Variants in ULK4 observed in about 807,000 individuals in gnomAD.
ULK4 encodes the protein inactive serine/threonine-protein kinase ULK4.
In ULK4, 133 loss-of-function variants were observed where a neutral mutation model predicts 160.6. That is an observed-to-expected ratio of 0.83 (90% CI 0.72 to 0.96). The LOEUF is 0.96. Ranked by LOEUF, ULK4 falls within the 40% of genes least tolerant of loss-of-function variation. ULK4 has a pLI of 0.00. For missense variants in ULK4, 1,580 were observed against 1,499.5 expected, an observed-to-expected ratio of 1.05 and a Z score of -0.89; for synonymous variants, 534 against 539.8, an observed-to-expected ratio of 0.99 and a Z score of 0.15.
intron 35 of ULK4, among the ~76,000 whole-genome samples, chr3:41,375,272 G>C (rs372431226): frequency 6.6e-6 from 1 of 152,060 alleles, no homozygotes; most frequent in Non-Finnish European, 1.5e-5. Flanking sequence ...TCAGAGAATA[G>C]GAAAAACTAC....
At chr3:41,900,613 A>G (rs1698316594) in intron 13 of ULK4, 112 bp downstream of exon 13, 9 of 879,584 alleles carry the variant, frequency 1.0e-5, no homozygotes, top group African/African-American at 1.7e-5. Flanking sequence ...ACAGAAGCAG[A>G]CAAGAGAAAC....
chr3:41,892,422 T>C lies in ULK4; in HGVS notation c.1577+3096A>G, dbSNP rs535271061. The stretch of plus-strand genomic sequence containing the variant: ...ATGTTCACAGCAGCATTGTTCACAA[T>C]AGCCAAAAGATATAAACAAGCCAGT... On this transcript the variant is annotated intron_variant, in intron 16 of 36. Transcript: ENST00000301831. Among the ~76,000 whole-genome samples, 14 of 152,274 alleles carry C rather than the reference T, an allele frequency of 9.2e-5. No homozygotes were observed. In the South Asian group the frequency reaches 1.0e-3, roughly 11 times the overall value.
At chr3:41,774,158 A>G (rs1178534253) in intron 21 of ULK4, among the ~76,000 whole-genome samples, 10 of 152,256 alleles carry the variant, frequency 6.6e-5, no homozygotes, top group Middle Eastern at 3.4e-3. Flanking sequence ...GGACATAGGC[A>G]TGGGCAAGGA....
intron 35 of ULK4, among the ~76,000 whole-genome samples, chr3:41,266,355 G>A (rs2079033036): frequency 1.3e-5 from 2 of 152,198 alleles, no homozygotes. Flanking sequence ...GGGTGAAGCT[G>A]ATTCTAGAAA....
intron 5 of ULK4, 119 bp from the exon 6 acceptor site, chr3:41,919,937 A>C: frequency 1.8e-6 from 1 of 550,430 alleles, no homozygotes. Context: ...CGCATGAATA[A>C]AACTTCATGT....
intron 35 of ULK4, among the ~76,000 whole-genome samples, chr3:41,355,741 C>T (rs989927490): frequency 1.5e-4 from 23 of 152,134 alleles, no homozygotes; most frequent in Admixed American, 1.5e-3. Flanking sequence ...TAGTGCATCA[C>T]CACAGATTAG....
intron 32 of ULK4, among the ~76,000 whole-genome samples, chr3:41,490,002 A>G (rs769731904): frequency 7.2e-5 from 11 of 152,144 alleles, no homozygotes; most frequent in Non-Finnish European, 1.3e-4. Context: ...TTCTGTCCCT[A>G]TGATTTGAAA....
intron 31 of ULK4, among the ~76,000 whole-genome samples, chr3:41,583,130 G>C (rs374567580): frequency 6.6e-6 from 1 of 152,130 alleles, no homozygotes; most frequent in Admixed American, 6.5e-5. Flanking sequence ...GAACTCACAG[G>C]CTTCTATATG....
At chr3:41,927,258 G>A (rs1028855190) in intron 5 of ULK4, among the ~76,000 whole-genome samples, 8 of 152,146 alleles carry the variant, frequency 5.3e-5, no homozygotes, top group African/African-American at 1.9e-4. Context: ...AGCTTCATAA[G>A]CGAAGGAGAA....
At chr3:41,384,895 T>A (rs2081765476) in intron 35 of ULK4, among the ~76,000 whole-genome samples, 3 of 151,982 alleles carry the variant, frequency 2.0e-5, no homozygotes, top group South Asian at 2.1e-4. Context: ...TTTATTTTTT[T>A]AAAAAGAAAA....
At chr3:41,258,504 CCCAAAGTTAACATTTTCATTA>C (rs1157868097) in intron 35 of ULK4, 1 of 152,182 alleles carries the variant, frequency 6.6e-6, no homozygotes, top group Non-Finnish European at 1.5e-5. Flanking sequence ...ATACCTTCTT[CCCAAAGTTAACATTTTCATTA>C]CTGGCAGTCA....
rs149568717 is a variant in ULK4 at position 41,758,452 on chromosome 3, T to C, written c.2194-3964A>G. On this transcript the variant is annotated intron_variant, in intron 21 of 36. Transcript: ENST00000301831. ...CTTAGTTATACAAGACAAGGAGGTA[T>C]AGACAGTATACCTTAGGAACACAGA... is the stretch of plus-strand genomic sequence containing the variant. Among the ~76,000 whole-genome samples the C allele has an allele frequency of 4.7e-3, 722 of 152,242 alleles. 8 individuals carry two copies. The highest frequency in any genetic ancestry group is 0.017 in the Middle Eastern group (5 of 294).
At chr3:41,596,971 CT>C (rs2031737576) in intron 31 of ULK4, among the ~76,000 whole-genome samples, 1 of 152,162 alleles carries the variant, frequency 6.6e-6, no homozygotes, top group Admixed American at 6.5e-5. Flanking sequence ...GCATCCCTGA[CT>C]TCTACGCTCT....
At chr3:41,539,449 GCTCA>G (rs2086623510) in intron 32 of ULK4, among the ~76,000 whole-genome samples, 2 of 152,074 alleles carry the variant, frequency 1.3e-5, no homozygotes, top group Non-Finnish European at 2.9e-5. Context: ...ATTTTCTGAA[GCTCA>G]CTGTTACCCT....
chr3:41,414,995 G>T (rs531871853), intron 34 of ULK4, among the ~76,000 whole-genome samples: 14 of 152,280 alleles, frequency 9.2e-5, no homozygotes, highest in African/African-American at 2.9e-4. Context: ...AAAAAGAAAT[G>T]TAAAAACAAG....
rs2079438606 is a variant in ULK4, at chr3:41,285,445, C to G, written c.3679-35871G>C. Among the ~76,000 whole-genome samples the G allele has an allele frequency of 2.0e-5, 3 of 152,074 alleles. No individual in the cohort carries two copies. The South Asian group carries it at 6.2e-4, about 32-fold the overall frequency. On this transcript the variant is annotated intron_variant, in intron 35 of 36. Transcript: ENST00000301831. ...ATGAATTAACGGCATTTGCAGCGAC[C>G]TGGATGAGATTGGAGGCTATTATTC... is the stretch of plus-strand genomic sequence containing the variant.
At chr3:41,909,802 T>C (rs1010233677) in intron 11 of ULK4, among the ~76,000 whole-genome samples, 1 of 152,128 alleles carries the variant, frequency 6.6e-6, no homozygotes, top group Non-Finnish European at 1.5e-5. Flanking sequence ...GGGTAAAACA[T>C]ATCAGGAATT....
intron 32 of ULK4, among the ~76,000 whole-genome samples, chr3:41,560,959 C>T (rs892395690): frequency 2.0e-5 from 3 of 152,190 alleles, no homozygotes; most frequent in African/African-American, 4.8e-5. Context: ...AAAGGGAATG[C>T]TTCCAGTTTT....
intron 1 of ULK4, among the ~76,000 whole-genome samples, chr3:41,957,064 T>C (rs150194323): frequency 6.6e-6 from 1 of 152,258 alleles, no homozygotes; most frequent in African/African-American, 2.4e-5. Context: ...GGACTTGATG[T>C]AAACTCTTAT....
Sources: gnomAD v4.1 joint callset for allele counts (sites outside exome capture counted in the v4.1 genomes callset) on GRCh38, gnomAD v4.1.1 for gene constraint, MANE v1.5 for transcripts, NCBI Gene and HGNC (gene_info 2026-07-23, HGNC 2026-07-21) for gene names.